The following EXOC6B variants were observed in gnomAD, a reference collection of about 807,000 sequenced individuals.
EXOC6B encodes SEC15 homolog B.
In EXOC6B, 54 loss-of-function variants were observed where a neutral mutation model predicts 113.5. The ratio of observed to expected loss-of-function variants is 0.48; its 90% CI spans 0.38 to 0.60. EXOC6B has a LOEUF of 0.60. Among genes scored for constraint, EXOC6B ranks in the 20% least tolerant of loss-of-function variants. EXOC6B has a pLI of 0.00. For synonymous variants in EXOC6B, 357 were observed against 339.0 expected (o/e 1.05, Z -0.58); for missense variants, 797 against 977.5 (o/e 0.82, Z 2.46).
chr2:72,456,083 T>C (rs1183032972), intron 18 of EXOC6B, among the ~76,000 whole-genome samples: 1 of 152,136 alleles, frequency 6.6e-6, no homozygotes, highest in Non-Finnish European at 1.5e-5. Context: ...CCGTATATCA[T>C]AGAGGTTGCC....
intron 20 of EXOC6B, among the ~76,000 whole-genome samples, chr2:72,295,876 C>T (rs1288077412): frequency 2.0e-5 from 3 of 151,924 alleles, no homozygotes; most frequent in Non-Finnish European, 2.9e-5. Context: ...ACTTAAAATA[C>T]GTATTTTTTT....
chr2:72,584,590 C>T (rs527996149), intron 6 of EXOC6B, among the ~76,000 whole-genome samples: 2 of 152,256 alleles, frequency 1.3e-5, no homozygotes, highest in South Asian at 2.1e-4. Flanking sequence ...CCACTGGTAA[C>T]AGACAGATCA....
rs397936010 is a variant in EXOC6B, at chr2:72,181,208, C to CAAAA, written c.2310-1751_2310-1748dup. Among the ~76,000 whole-genome samples the CAAAA allele has an allele frequency of 1.8e-4, 22 of 121,820 alleles. 1 individual carries two copies. The highest frequency in any genetic ancestry group is 2.5e-4 in the African/African-American group (8 of 31,684). 79.9% of individuals were successfully genotyped at this position (121,820 alleles called of 152,430 possible). Reference sequence around the variant, plus strand: ...TGGGTGGCAGAGCGAGACTCCGTCTCAAAAAAAAAAAAAAGAATTATCTCA... The same window carrying CAAAA: ...TGGGTGGCAGAGCGAGACTCCGTCTCAAAAAAAAAAAAAAAAAAGAATTATCTCA... On this transcript the variant is annotated intron_variant, in intron 21 of 21. Transcript: ENST00000272427.
chr2:72,372,378 A>G (rs1343344031), intron 19 of EXOC6B, among the ~76,000 whole-genome samples: 1 of 152,198 alleles, frequency 6.6e-6, no homozygotes, highest in African/African-American at 2.4e-5. Flanking sequence ...CTGAGCAAAA[A>G]GAACAGAACT....
chr2:72,285,105 G>C (rs976862833), intron 20 of EXOC6B, among the ~76,000 whole-genome samples: 1 of 151,960 alleles, frequency 6.6e-6, no homozygotes, highest in African/African-American at 2.4e-5. Context: ...TTTTTCTATG[G>C]ATGTTGATAA....
intron 6 of EXOC6B, among the ~76,000 whole-genome samples, chr2:72,643,993 A>C (rs1198820225): frequency 6.6e-6 from 1 of 151,920 alleles, no homozygotes; most frequent in Non-Finnish European, 1.5e-5. Flanking sequence ...GGTAATAACA[A>C]ACTTCAAGCT....
intron 6 of EXOC6B, among the ~76,000 whole-genome samples, chr2:72,609,171 G>A (rs1175262412): frequency 6.6e-6 from 1 of 152,060 alleles, no homozygotes; most frequent in Non-Finnish European, 1.5e-5. Flanking sequence ...CCTGTTGGAA[G>A]AGCAAACAAT....
chr2:72,654,228 C>T (rs1304025220), intron 6 of EXOC6B, among the ~76,000 whole-genome samples: 9 of 152,128 alleles, frequency 5.9e-5, no homozygotes, highest in Non-Finnish European at 1.3e-4. Context: ...CCTTGGCCTC[C>T]CAAAGTGCTG....
chr2:72,733,507 C>T (rs1190056996), intron 2 of EXOC6B, among the ~76,000 whole-genome samples: 3 of 152,154 alleles, frequency 2.0e-5, no homozygotes, highest in African/African-American at 7.2e-5. Context: ...TGGGTATACA[C>T]TGAACTTGTT....
chr2:72,809,561 T>C (rs1262662186), intron 1 of EXOC6B, among the ~76,000 whole-genome samples: 1 of 145,838 alleles, frequency 6.9e-6, no homozygotes, highest in Non-Finnish European at 1.5e-5. Flanking sequence ...AAGGAAATAA[T>C]AAAATAAGGA....
At chr2:72,410,895 C>T (rs1383461779) in intron 18 of EXOC6B, among the ~76,000 whole-genome samples, 3 of 152,060 alleles carry the variant, frequency 2.0e-5, no homozygotes, top group Non-Finnish European at 2.9e-5. Context: ...GGTACATGGC[C>T]GACTGAGCTG....
rs1677900755 is a variant in EXOC6B at position 72,178,769 on chromosome 2, C to T, written c.*566G>A. The T allele has an allele frequency of 6.6e-6, 1 of 152,314 alleles. No homozygotes were observed. The allele number at this position is 152,314 out of a possible 1,614,324, so 9.4% of individuals were successfully genotyped here. A position where few individuals can be genotyped will look rare whatever the true frequency, so the allele number is the denominator to read the frequency against. Reference sequence around the variant, plus strand: ...TCTTGGGGGATTGGAATGAAGCTGTCATCTTGCCATATGCCATGCTTGTTC... The same window carrying T: ...TCTTGGGGGATTGGAATGAAGCTGTTATCTTGCCATATGCCATGCTTGTTC... On this transcript the variant is annotated 3_prime_UTR_variant, in exon 22 of 22. Transcript: ENST00000272427.
intron 17 of EXOC6B, among the ~76,000 whole-genome samples, chr2:72,475,095 G>A (rs980792799): frequency 1.4e-4 from 22 of 152,280 alleles, no homozygotes; most frequent in Non-Finnish European, 3.1e-4. Context: ...GCTGGGGACT[G>A]TAACACCAGG....
chr2:72,515,714 CATA>C (rs1558753081), intron 8 of EXOC6B: 1 of 987,482 alleles, frequency 1.0e-6, no homozygotes, highest in African/African-American at 1.7e-5. Context: ...AAGTGCTCTA[CATA>C]ATAATATCTG....
chr2:72,803,377 C>T (rs1250145248), intron 1 of EXOC6B, among the ~76,000 whole-genome samples: 4 of 151,050 alleles, frequency 2.6e-5, no homozygotes, highest in African/African-American at 9.7e-5. Context: ...TGAGTAATAA[C>T]CAAATCTCTG....
intron 8 of EXOC6B, among the ~76,000 whole-genome samples, chr2:72,540,018 A>T (rs966614608): frequency 7.9e-5 from 11 of 138,672 alleles, no homozygotes; most frequent in South Asian, 2.3e-4. Context: ...TCATTGTTCA[A>T]TTCCCACCTA....
At chr2:72,782,789 G>A (rs1239123589) in intron 1 of EXOC6B, among the ~76,000 whole-genome samples, 2 of 151,884 alleles carry the variant, frequency 1.3e-5, no homozygotes, top group African/African-American at 4.8e-5. Context: ...TTTCTTTCTG[G>A]GCCTGGGCTT....
rs188245264 is a variant in EXOC6B, at chr2:72,769,668, C to A, written c.114-28199G>T. ...CTCTACTAAAAATACAAAAATTAGC[C>A]GGGTGTGGTGACACGTGCCTGTAAT... is the stretch of plus-strand genomic sequence containing the variant. On this transcript the variant is annotated intron_variant, in intron 1 of 21. Coordinates refer to ENST00000272427, the MANE Select transcript of EXOC6B (RefSeq NM_015189.3). Among the ~76,000 whole-genome samples the A allele has an allele frequency of 1.2e-3, 175 of 152,136 alleles. 2 individuals carry two copies. Among genetic ancestry groups the A allele is most frequent in the Middle Eastern group, 0.01 (3 of 294 alleles).
intron 18 of EXOC6B, among the ~76,000 whole-genome samples, chr2:72,402,436 A>G (rs1693400680): frequency 6.6e-6 from 1 of 151,538 alleles, no homozygotes; most frequent in Non-Finnish European, 1.5e-5. Flanking sequence ...CACTTTTGCC[A>G]AAGATTTTTA....
Sources: gnomAD v4.1 joint callset for allele counts (sites outside exome capture counted in the v4.1 genomes callset) on GRCh38, gnomAD v4.1.1 for gene constraint, MANE v1.5 for transcripts, NCBI Gene and HGNC (gene_info 2026-07-23, HGNC 2026-07-21) for gene names.